Variants in ZNF730 observed in about 807,000 individuals in gnomAD.
ZNF730 encodes zinc finger protein 730, also known as putative zinc finger protein 730.
ZNF730 carries 12 observed loss-of-function variants against 12.6 expected under a neutral mutation model. The observed-to-expected ratio is 0.95, with a 90% CI of 0.61 to 1.54. The LOEUF (loss-of-function observed/expected upper bound fraction) is 1.54, where lower values mean the gene tolerates loss of function less well. Ranked by LOEUF, ZNF730 falls within the 40% of genes most tolerant of loss-of-function variation. ZNF730 has a pLI of 0.00. For missense variants in ZNF730, 643 were observed against 583.5 expected (o/e 1.10, Z -1.05); for synonymous variants, 194 against 195.8 (o/e 0.99, Z 0.08).
intron 1 of ZNF730, among the ~76,000 whole-genome samples, chr19:23,098,916 AGG>A (rs1970295083): frequency 6.6e-6 from 1 of 152,186 alleles, no homozygotes; most frequent in African/African-American, 2.4e-5. Context: ...GCTTAGAAAA[AGG>A]GGTAAAATCC....
chr19:23,112,290 A>G (rs1970469482), upstream of ZNF730, among the ~76,000 whole-genome samples: 1 of 152,138 alleles, frequency 6.6e-6, no homozygotes, highest in Non-Finnish European at 1.5e-5. Context: ...CTATCATGAT[A>G]CTCTTAGTTA....
chr19:23,112,616 G>A (rs1470934429), upstream of ZNF730, among the ~76,000 whole-genome samples: 2 of 152,050 alleles, frequency 1.3e-5, no homozygotes, highest in African/African-American at 4.8e-5. Context: ...AGCTACTCGT[G>A]GGAGACTGGG....
At chr19:23,115,992 G>A (rs1970513828), upstream of ZNF730, among the ~76,000 whole-genome samples, 1 of 152,204 alleles carries the variant, frequency 6.6e-6, no homozygotes, top group African/African-American at 2.4e-5. Flanking sequence ...AAAGTTAGAT[G>A]TGTTGTAAGA....
intron 1 of ZNF730, among the ~76,000 whole-genome samples, chr19:23,107,425 G>C (rs1359937112): frequency 9.5e-6 from 1 of 105,292 alleles, no homozygotes; most frequent in African/African-American, 3.9e-5. Context: ...GTGATATCCT[G>C]TCTCTACTTT....
At chr19:23,127,970 C>T in intron 1 of ZNF730, 1 of 729,336 alleles carries the variant, frequency 1.4e-6, no homozygotes, top group Non-Finnish European at 2.5e-6. Flanking sequence ...CTGCTGCTGG[C>T]CTGCAGGCTC....
At chr19:23,120,049 C>T (rs1164619447) in intron 1 of ZNF730, among the ~76,000 whole-genome samples, 2 of 144,556 alleles carry the variant, frequency 1.4e-5, no homozygotes, top group African/African-American at 5.2e-5. Context: ...GGCTGAAATG[C>T]AGTGGTGGGA....
chr19:23,085,380 T>A (rs1970041152), intron 1 of ZNF730, among the ~76,000 whole-genome samples: 1 of 151,578 alleles, frequency 6.6e-6, no homozygotes, highest in Non-Finnish European at 1.5e-5. Context: ...TTTTTTTAAG[T>A]AGAGACAGGG....
At chr19:23,085,986 A>G (rs997972765) in intron 1 of ZNF730, among the ~76,000 whole-genome samples, 1 of 151,628 alleles carries the variant, frequency 6.6e-6, no homozygotes, top group Non-Finnish European at 1.5e-5. Context: ...TTGGGATTAC[A>G]GGCGCCTGCC....
Position 23,089,124 on chromosome 19 carries a change from G to A in ZNF730, c.-94+13737G>A, listed in dbSNP as rs535564051. 3.2e-3 allele frequency among the ~76,000 whole-genome samples: 490 copies of A among 152,188 alleles called. 4 individuals are homozygous for A. The highest frequency in any genetic ancestry group is 9.0e-3 in the African/African-American group (374 of 41,528). On this transcript the variant is annotated intron_variant, in intron 1 of 2. Coordinates refer to the ZNF730 transcript ENST00000593635. Reference sequence around the variant, plus strand: ...CGACCTCAGGCGATCCACCTGGCTCGACCTCCCAAGTGTTGGGCTTACAGG... The same window carrying A: ...CGACCTCAGGCGATCCACCTGGCTCAACCTCCCAAGTGTTGGGCTTACAGG...
chr19:23,078,786 C>T (rs1969911774), intron 1 of ZNF730, among the ~76,000 whole-genome samples: 1 of 152,132 alleles, frequency 6.6e-6, no homozygotes, highest in Non-Finnish European at 1.5e-5. Context: ...TAATTTTCCA[C>T]TCTGTGCAAT....
intron 1 of ZNF730, among the ~76,000 whole-genome samples, chr19:23,096,972 A>G (rs569648062): frequency 6.6e-6 from 1 of 152,008 alleles, no homozygotes; most frequent in Admixed American, 6.5e-5. Flanking sequence ...TGACCCTTTT[A>G]TTTTCCCGGT....
intron 1 of ZNF730, among the ~76,000 whole-genome samples, chr19:23,086,395 A>G (rs975494182): frequency 1.3e-5 from 2 of 152,102 alleles, no homozygotes; most frequent in Non-Finnish European, 2.9e-5. Context: ...GTCCTGAATC[A>G]TGTTACCTAG....
At chr19:23,079,787 C>CT (rs1969932862) in intron 1 of ZNF730, among the ~76,000 whole-genome samples, 1 of 152,158 alleles carries the variant, frequency 6.6e-6, no homozygotes, top group Admixed American at 6.5e-5. Context: ...TCTCTAGCTC[C>CT]TGAAGAACCC....
intron 1 of ZNF730, among the ~76,000 whole-genome samples, chr19:23,080,738 T>C (rs1380262976): frequency 6.6e-6 from 1 of 152,098 alleles, no homozygotes; most frequent in Non-Finnish European, 1.5e-5. Context: ...CCAAACCCAT[T>C]GTCATGAAGC....
At chr19:23,102,414 C>T (rs996582799) in intron 1 of ZNF730, among the ~76,000 whole-genome samples, 2 of 152,084 alleles carry the variant, frequency 1.3e-5, no homozygotes, top group African/African-American at 4.8e-5. Flanking sequence ...TCTTATCTCT[C>T]CCTATTCACA....
chr19:23,104,243 A>G (rs182053133), intron 1 of ZNF730, among the ~76,000 whole-genome samples: 67 of 150,140 alleles, frequency 4.5e-4, no homozygotes, highest in Non-Finnish European at 5.2e-4. Flanking sequence ...CGGAGGTTGC[A>G]GTGAGCTGAG....
chr19:23,089,109 C>T (rs1183350245), intron 1 of ZNF730, among the ~76,000 whole-genome samples: 3 of 152,042 alleles, frequency 2.0e-5, no homozygotes, highest in East Asian at 1.9e-4. Flanking sequence ...CGACCTCAGG[C>T]GATCCACCTG....
intron 1 of ZNF730, among the ~76,000 whole-genome samples, chr19:23,084,140 A>G (rs1415527093): frequency 4.6e-5 from 7 of 152,038 alleles, no homozygotes; most frequent in Admixed American, 3.9e-4. Context: ...CTGTGTATGG[A>G]TATTTGATTT....
At chr19:23,109,919 AT>A (rs1970441652) in intron 1 of ZNF730, among the ~76,000 whole-genome samples, 1 of 152,118 alleles carries the variant, frequency 6.6e-6, no homozygotes, top group African/African-American at 2.4e-5. Context: ...ATTATGACAA[AT>A]TATTGTAGGC....
Sources: allele counts gnomAD v4.1 joint callset (sites outside exome capture counted in the v4.1 genomes callset), GRCh38; gene constraint gnomAD v4.1.1; transcripts MANE v1.5; gene names NCBI Gene and HGNC (gene_info 2026-07-23, HGNC 2026-07-21).